Variants in ZMYND8 observed in about 807,000 individuals in gnomAD.
The protein encoded by ZMYND8 is zinc finger MYND-type containing 8, also known as MYND-type zinc finger-containing chromatin reader ZMYND8.
A neutral mutation model predicts 140.8 loss-of-function variants in ZMYND8; 37 were observed. The ratio of observed to expected loss-of-function variants is 0.26; its 90% confidence interval spans 0.20 to 0.35. ZMYND8 has a LOEUF of 0.35. ZMYND8 is among the 10% of genes least tolerant of loss of function. ZMYND8 has a pLI of 1.00. For synonymous variants in ZMYND8, 592 were observed against 597.1 expected, an observed-to-expected ratio of 0.99 and a Z score of 0.12; for missense variants, 1,068 against 1,570.0, an observed-to-expected ratio of 0.68 and a Z score of 5.40.
Position 47,287,766 on chromosome 20 carries a change from G to C in ZMYND8, c.749-482C>G, listed in dbSNP as rs553725757. Among the ~76,000 whole-genome samples, 329 of 152,160 alleles carry C rather than the reference G, an allele frequency of 2.2e-3. 4 individuals carry two copies. Among genetic ancestry groups the C allele is most frequent in the African/African-American group, 7.5e-3 (313 of 41,522 alleles). On this transcript the variant is annotated intron_variant, in intron 7 of 22. Transcript: ENST00000471951. ...CAACACCTTGGGAGGCTGAGGCAGA[G>C]GGATCACTTGAGCCCAGGAGTTGAA... is the stretch of plus-strand genomic sequence containing the variant.
Position 47,276,487 on chromosome 20 carries a change from A to G in ZMYND8, c.1307T>C (p.Leu436Pro), listed in dbSNP as rs35018643. The G allele has an allele frequency of 1.2e-6, 2 of 1,613,938 alleles. No individual in the cohort carries two copies. Among genetic ancestry groups the G allele is most frequent in the Admixed American group, 3.3e-5 (2 of 59,992 alleles). ...SPKILMSKPV[L>P]SGGTGRRISL... ...AATCCGGCGGCCTGTGCCCCCACTCAGCACAGGCTTGCTCATCAGGATCTT... is the reference window on the plus strand; with the variant it reads ...AATCCGGCGGCCTGTGCCCCCACTCGGCACAGGCTTGCTCATCAGGATCTT... Residue 436 changes from leucine to proline, a missense_variant, in exon 11 of 23, where the codon CTG (leucine) becomes CCG (proline). This residue lies in a region of ZMYND8 where 173 missense variants were observed against 223.3 expected (regional missense o/e 0.77). Coordinates refer to ENST00000471951, the MANE Select transcript of ZMYND8 (RefSeq NM_001281775.3).
intron 19 of ZMYND8, among the ~76,000 whole-genome samples, chr20:47,223,741 G>A (rs1231675761): frequency 2.7e-5 from 4 of 149,728 alleles, no homozygotes; most frequent in Admixed American, 6.7e-5. Context: ...CAGGAGAATC[G>A]CTTGAACCCG....
At chr20:47,334,605 A>AAAAAT (rs773739583) in intron 2 of ZMYND8, among the ~76,000 whole-genome samples, 177 of 141,710 alleles carry the variant, frequency 1.2e-3, no homozygotes, top group African/African-American at 4.6e-3. Context: ...GAAAAAAAAA[A>AAAAAT]ATATATATAT....
intron 11 of ZMYND8, among the ~76,000 whole-genome samples, chr20:47,263,226 T>C (rs1029747014): frequency 6.6e-6 from 1 of 152,202 alleles, no homozygotes; most frequent in Non-Finnish European, 1.5e-5. Flanking sequence ...GTACTGGGAC[T>C]GTCCTGTTAA....
intron 14 of ZMYND8, among the ~76,000 whole-genome samples, chr20:47,240,901 G>A (rs1434687560): frequency 1.3e-5 from 2 of 152,182 alleles, no homozygotes; most frequent in Admixed American, 6.5e-5. Flanking sequence ...ATATCACCCC[G>A]GCTGGGCTCA....
intron 14 of ZMYND8, among the ~76,000 whole-genome samples, chr20:47,245,064 C>T (rs11906524): frequency 2.0e-5 from 3 of 151,952 alleles, no homozygotes; most frequent in Non-Finnish European, 4.4e-5. Flanking sequence ...TCCGCCCCCC[C>T]TCCCCAAAAA....
Position 47,318,565 on chromosome 20 carries a change from G to A in ZMYND8, c.86-8361C>T, listed in dbSNP as rs1019379920. 4 of 369,074 alleles carry A rather than the reference G, an allele frequency of 1.1e-5. No homozygotes were observed. In the Admixed American group the frequency reaches 1.4e-4, roughly 13 times the overall value. 22.9% of individuals were successfully genotyped at this position (369,074 alleles called of 1,614,324 possible). A position where few individuals can be genotyped will look rare whatever the true frequency, so the allele number is the denominator to read the frequency against. The stretch of plus-strand genomic sequence containing the variant: ...GGGAGGAAGCAAAATTGTCCTCGCA[G>A]CAGAGAATGCCTAAGCCAGGAGGAA... On this transcript the variant is annotated intron_variant, in intron 2 of 22. Transcript: ENST00000471951.
At chr20:47,303,584 A>C (rs1569147615) in intron 3 of ZMYND8, among the ~76,000 whole-genome samples, 2 of 152,138 alleles carry the variant, frequency 1.3e-5, no homozygotes, top group East Asian at 3.9e-4. Context: ...CTGTCCAGCT[A>C]CTCAGGAGGT....
chr20:47,318,071 C>T (rs907487072), intron 2 of ZMYND8, among the ~76,000 whole-genome samples: 1 of 152,118 alleles, frequency 6.6e-6, no homozygotes, highest in Non-Finnish European at 1.5e-5. Context: ...TACCGCCCCC[C>T]ACTCCAAAAA....
intron 8 of ZMYND8, among the ~76,000 whole-genome samples, chr20:47,286,065 C>T (rs2076900545): frequency 6.6e-6 from 1 of 151,932 alleles, no homozygotes; most frequent in African/African-American, 2.4e-5. Flanking sequence ...AAGAAATAGC[C>T]AGGCTAATTA....
Position 47,281,301 on chromosome 20 carries a change from A to G in ZMYND8, c.998+801T>C, listed in dbSNP as rs865945385. 5.3e-5 allele frequency among the ~76,000 whole-genome samples: 8 copies of G among 152,140 alleles called. No individual in the cohort carries two copies. In the South Asian group the frequency reaches 6.2e-4, roughly 12 times the overall value. ...TAGCAAAATTTAACAGGGGAAACCA[A>G]TTTTCAGCTTCTGGACACTCTGTGT... On this transcript the variant is annotated intron_variant, in intron 10 of 22. Transcript: ENST00000471951.
At chr20:47,322,660 C>T (rs1358884818) in intron 2 of ZMYND8, among the ~76,000 whole-genome samples, 3 of 152,050 alleles carry the variant, frequency 2.0e-5, no homozygotes, top group African/African-American at 4.8e-5. Flanking sequence ...CCACCTGCCT[C>T]GGCCTCCCAA....
intron 2 of ZMYND8, among the ~76,000 whole-genome samples, chr20:47,324,127 G>A (rs555767310): frequency 8.3e-4 from 126 of 151,574 alleles, no homozygotes; most frequent in African/African-American, 2.8e-3. Flanking sequence ...ACTTGAACCC[G>A]GGAGGCGGAG....
intron 2 of ZMYND8, among the ~76,000 whole-genome samples, chr20:47,329,304 T>C (rs1032825580): frequency 7.2e-5 from 11 of 152,222 alleles, no homozygotes; most frequent in African/African-American, 2.7e-4. Context: ...CGATCTGTTC[T>C]CTATCAGTGC....
rs77583712 is a variant in ZMYND8, at chr20:47,273,620, C to T, written c.1480+2694G>A. Among the ~76,000 whole-genome samples, 661 of 152,278 alleles carry T rather than the reference C, an allele frequency of 4.3e-3. 1 individual carries two copies. The highest frequency in any genetic ancestry group is 0.015 in the African/African-American group (630 of 41,546). On this transcript the variant is annotated intron_variant, in intron 11 of 22. Coordinates refer to ENST00000471951, the MANE Select transcript of ZMYND8 (RefSeq NM_001281775.3). ...AAAGTCTTAACTGTCTACGGCTGCT[C>T]TATTTTCTTCTATCTAGCTAGCTGT...
Position 47,261,632 on chromosome 20 carries a change from G to A in ZMYND8, c.1621+656C>T, listed in dbSNP as rs1218059721. On this transcript the variant is annotated intron_variant, in intron 12 of 22. Coordinates refer to ENST00000471951, the MANE Select transcript of ZMYND8 (RefSeq NM_001281775.3). The stretch of plus-strand genomic sequence containing the variant: ...GACCAGAGTGTAAGAATTAGAAGAA[G>A]AGAATTAAGGAATATCAGAGTATGC... Among the ~76,000 whole-genome samples, 3 of 152,096 alleles carry A rather than the reference G, an allele frequency of 2.0e-5. No homozygotes were observed. In the East Asian group the frequency reaches 5.8e-4, roughly 29 times the overall value.
At chr20:47,308,228 T>C (rs113793830) in intron 3 of ZMYND8, among the ~76,000 whole-genome samples, 2 of 148,320 alleles carry the variant, frequency 1.3e-5, no homozygotes, top group African/African-American at 5.0e-5. Flanking sequence ...GGTTTTTTTT[T>C]TTTTTTTGGA....
At chr20:47,230,505 G>T (rs1384267062) in intron 16 of ZMYND8, among the ~76,000 whole-genome samples, 1 of 151,922 alleles carries the variant, frequency 6.6e-6, no homozygotes, top group African/African-American at 2.4e-5. Flanking sequence ...TGTTGGTCAG[G>T]CTGGTCTTGA....
At chr20:47,253,951 T>A (rs1308610934) in intron 12 of ZMYND8, among the ~76,000 whole-genome samples, 4 of 152,236 alleles carry the variant, frequency 2.6e-5, no homozygotes, top group Non-Finnish European at 1.5e-5. Flanking sequence ...ACCAAATGGC[T>A]AGGGGCTGGG....
Sources: gnomAD v4.1 joint callset for allele counts (sites outside exome capture counted in the v4.1 genomes callset) on GRCh38, gnomAD v4.1.1 for gene constraint, gnomAD v4.1.1 regional missense constraint, MANE v1.5 for transcripts, NCBI Gene and HGNC (gene_info 2026-07-23, HGNC 2026-07-21) for gene names.